The following PPARGC1A variants were observed in gnomAD, a reference collection of about 807,000 sequenced individuals.
PPARGC1A encodes peroxisome proliferator-activated receptor gamma coactivator 1-alpha.
In PPARGC1A, 25 loss-of-function variants were observed where a neutral mutation model predicts 88.7. The observed-to-expected ratio is 0.28, with a 90% CI of 0.21 to 0.39. The LOEUF (loss-of-function observed/expected upper bound fraction) is 0.39. Ranked by LOEUF, PPARGC1A falls within the 10% of genes least tolerant of loss-of-function variation. The pLI, the probability that PPARGC1A is intolerant of heterozygous loss-of-function variation, is 1.00. For synonymous variants in PPARGC1A, 363 were observed against 355.6 expected, an observed-to-expected ratio of 1.02 and a Z score of -0.24; for missense variants, 880 against 968.7, an observed-to-expected ratio of 0.91 and a Z score of 1.22.
At chr4:24,277,456 A>G in the PPARGC1A span, among the ~76,000 whole-genome samples, 1 of 151,614 alleles carries the variant, frequency 6.6e-6, no homozygotes, top group African/African-American at 2.4e-5. Flanking sequence ...CCCCTCCAAC[A>G]GTGTCAGCTC....
the PPARGC1A span, among the ~76,000 whole-genome samples, chr4:24,223,307 T>G: frequency 2.7e-5 from 4 of 149,406 alleles, no homozygotes; most frequent in Non-Finnish European, 4.4e-5. Flanking sequence ...TGGAGTGCAG[T>G]GGCACGATCT....
upstream of PPARGC1A, among the ~76,000 whole-genome samples, chr4:23,905,262 C>T (rs974918404): frequency 3.9e-5 from 6 of 152,194 alleles, no homozygotes; most frequent in African/African-American, 1.4e-4. Flanking sequence ...ATTCTGGAAA[C>T]GATGTCAGAC....
chr4:24,470,389 T>G, the PPARGC1A span, among the ~76,000 whole-genome samples: 89,322 of 150,542 alleles, frequency 0.59, 26,548 homozygotes, highest in African/African-American at 0.62. The surrounding 1 kb of genome is among the most constrained non-coding windows in gnomAD (Gnocchi z 5.8). Flanking sequence ...GGAGCCGGAG[T>G]GGTCGTTGGC....
At chr4:24,292,443 G>T in the PPARGC1A span, among the ~76,000 whole-genome samples, 1 of 151,616 alleles carries the variant, frequency 6.6e-6, no homozygotes, top group Non-Finnish European at 1.5e-5. Context: ...CATCAGGAAG[G>T]TTTCCCTCAT....
chr4:24,465,007 C>T, the PPARGC1A span, among the ~76,000 whole-genome samples: 1 of 152,212 alleles, frequency 6.6e-6, no homozygotes, highest in East Asian at 1.9e-4. Context: ...GCTACGATTA[C>T]AGGCACACGC....
the PPARGC1A span, among the ~76,000 whole-genome samples, chr4:24,129,465 T>G: frequency 6.6e-6 from 1 of 152,144 alleles, no homozygotes; most frequent in Admixed American, 6.5e-5. Flanking sequence ...TTTGATGGCT[T>G]TACAGCTGTT....
the PPARGC1A span, among the ~76,000 whole-genome samples, chr4:24,220,682 A>G: frequency 1.3e-5 from 2 of 152,218 alleles, no homozygotes; most frequent in Admixed American, 1.3e-4. Flanking sequence ...CTGGGTGCAT[A>G]AGGACAGAAA....
chr4:23,831,864 A>T, intron 2 of PPARGC1A, 113 bp from the exon 3 acceptor site: 3 of 806,370 alleles, frequency 3.7e-6, no homozygotes, highest in East Asian at 2.5e-5. Context: ...TAGAATGCCC[A>T]TTCCAGAACA....
At chr4:24,193,338 C>T in the PPARGC1A span, among the ~76,000 whole-genome samples, 1 of 152,126 alleles carries the variant, frequency 6.6e-6, no homozygotes, top group Non-Finnish European at 1.5e-5. Context: ...GGTACCTTTG[C>T]TTTGAAATTC....
At chr4:24,290,623 C>A in the PPARGC1A span, among the ~76,000 whole-genome samples, 8 of 152,224 alleles carry the variant, frequency 5.3e-5, no homozygotes, top group African/African-American at 1.9e-4. Context: ...CTCACTCTTA[C>A]ACTTGAATGT....
At chr4:24,464,662 C>T in the PPARGC1A span, among the ~76,000 whole-genome samples, 2 of 152,228 alleles carry the variant, frequency 1.3e-5, no homozygotes, top group African/African-American at 4.8e-5. Flanking sequence ...CTATTACCTG[C>T]AGCTCTCTAT....
At chr4:24,309,745 C>G in the PPARGC1A span, among the ~76,000 whole-genome samples, 1 of 152,120 alleles carries the variant, frequency 6.6e-6, no homozygotes, top group Non-Finnish European at 1.5e-5. Flanking sequence ...CCACGCCCAG[C>G]TACATAATCT....
the PPARGC1A span, among the ~76,000 whole-genome samples, chr4:24,417,177 G>A: frequency 3.3e-5 from 5 of 152,072 alleles, no homozygotes; most frequent in East Asian, 3.8e-4. Flanking sequence ...AAGCAGGGAG[G>A]AAACAGAATG....
At chr4:24,149,630 A>G in the PPARGC1A span, among the ~76,000 whole-genome samples, 2 of 152,184 alleles carry the variant, frequency 1.3e-5, no homozygotes, top group African/African-American at 4.8e-5. Flanking sequence ...GTAAGAGCTC[A>G]GACAAACTCT....
chr4:24,097,609 A>G, the PPARGC1A span, among the ~76,000 whole-genome samples: 7 of 152,176 alleles, frequency 4.6e-5, no homozygotes, highest in Non-Finnish European at 7.4e-5. Context: ...CTAATCATGT[A>G]TCAAACCCAC....
At chr4:23,832,506 C>G (rs1725196799) in intron 2 of PPARGC1A, among the ~76,000 whole-genome samples, 1 of 152,138 alleles carries the variant, frequency 6.6e-6, no homozygotes, top group African/African-American at 2.4e-5. Flanking sequence ...TTTCTGTGAT[C>G]AGTCACTGAA....
chr4:24,134,783 G>A, the PPARGC1A span, among the ~76,000 whole-genome samples: 3 of 152,290 alleles, frequency 2.0e-5, no homozygotes, highest in Non-Finnish European at 4.4e-5. Flanking sequence ...CAGTGGAACA[G>A]GAAACATGAA....
chr4:24,287,884 A>G, the PPARGC1A span, among the ~76,000 whole-genome samples: 1 of 152,172 alleles, frequency 6.6e-6, no homozygotes, highest in Non-Finnish European at 1.5e-5. Flanking sequence ...AATGGAGAAG[A>G]GTCACATACC....
the PPARGC1A span, among the ~76,000 whole-genome samples, chr4:24,009,329 C>A: frequency 6.6e-6 from 1 of 152,046 alleles, no homozygotes; most frequent in African/African-American, 2.4e-5. Context: ...AGAAAGATGG[C>A]CAAGTTTCTT....
Sources: gnomAD v4.1 joint callset for allele counts (sites outside exome capture counted in the v4.1 genomes callset) on GRCh38, gnomAD v4.1.1 for gene constraint, Gnocchi (gnomAD v3.1) non-coding constraint, MANE v1.5 for transcripts, NCBI Gene and HGNC (gene_info 2026-07-23, HGNC 2026-07-21) for gene names.